GSE1: variants seen among roughly 807,000 people sequenced by gnomAD.
GSE1 encodes the protein genetic suppressor element 1.
Under a neutral mutation model 112.6 loss-of-function variants are expected in GSE1, and 32 were observed. That is an observed-to-expected ratio of 0.28 (90% confidence interval 0.21 to 0.38). The LOEUF is 0.38. Among genes scored for constraint, GSE1 ranks in the 10% least tolerant of loss-of-function variants. The pLI, the probability that GSE1 is intolerant of heterozygous loss-of-function variation, is 1.00. For missense variants in GSE1, 2,348 were observed against 1,699.2 expected (o/e 1.38, Z -6.71); for synonymous variants, 1,115 against 735.6 (o/e 1.52, Z -8.35).
At chr16:85,251,295 G>A (rs1027638014) in intron 1 of GSE1, among the ~76,000 whole-genome samples, 10 of 152,204 alleles carry the variant, frequency 6.6e-5, no homozygotes, top group African/African-American at 2.2e-4. Flanking sequence ...GACAAAGCCT[G>A]TCCCTATGGG....
chr16:85,313,411 G>T (rs1177513272), intron 1 of GSE1, among the ~76,000 whole-genome samples: 1 of 152,166 alleles, frequency 6.6e-6, no homozygotes, highest in Non-Finnish European at 1.5e-5. Context: ...GTCTCGGATT[G>T]GCTTGTCCCG....
chr16:85,401,197 G>A lies in GSE1; in HGVS notation c.2464+43554G>A, dbSNP rs542015626. ...CGGCAGGAGAGGGAGTGAGGCCAAC[G>A]TCATGCGTTATTCAGCGGCTCCTGA... is the stretch of plus-strand genomic sequence containing the variant. On this transcript the variant is annotated intron_variant, in intron 2 of 2. Coordinates refer to the GSE1 transcript ENST00000637419. Among the ~76,000 whole-genome samples the A allele has an allele frequency of 5.9e-5, 9 of 152,310 alleles. No individual in the cohort carries two copies. In the East Asian group the frequency reaches 1.5e-3, roughly 26 times the overall value.
chr16:85,480,463 A>T (rs1428201178), intron 2 of GSE1, among the ~76,000 whole-genome samples: 1 of 151,570 alleles, frequency 6.6e-6, no homozygotes, highest in East Asian at 1.9e-4. Flanking sequence ...CCTCCACTCC[A>T]CCCTGTTTCT....
rs1444365211 is a variant in GSE1, at chr16:85,531,095, G to A, written c.2465-102819G>A. Among the ~76,000 whole-genome samples the A allele has an allele frequency of 3.9e-5, 6 of 152,376 alleles. No individual in the cohort carries two copies. The East Asian group carries it at 1.2e-3, about 29-fold the overall frequency. ...TGCCTCTGGCTTCGTTCGGTTGCCC[G>A]GATTCAGACCTCAGTGCAGGAGCTT... On this transcript the variant is annotated intron_variant, in intron 2 of 2. Transcript: ENST00000637419.
intron 1 of GSE1, among the ~76,000 whole-genome samples, chr16:85,176,120 C>T (rs1176054818): frequency 1.3e-5 from 2 of 152,208 alleles, no homozygotes; most frequent in Non-Finnish European, 2.9e-5. Flanking sequence ...TTCTGAGTAG[C>T]TGGGACCATA....
At chr16:85,253,056 CCG>C (rs1906657983) in intron 1 of GSE1, among the ~76,000 whole-genome samples, 1 of 63,430 alleles carries the variant, frequency 1.6e-5, no homozygotes, top group Non-Finnish European at 3.4e-5. Context: ...ATAGGCGCCC[CCG>C]CCCCCCCCCC....
At chr16:85,417,013 C>G (rs988079033) in intron 2 of GSE1, among the ~76,000 whole-genome samples, 2 of 152,234 alleles carry the variant, frequency 1.3e-5, no homozygotes, top group East Asian at 3.8e-4. Flanking sequence ...AGCCACCATG[C>G]CCGGCTAATT....
chr16:85,257,894 A>T (rs9939822), intron 1 of GSE1, among the ~76,000 whole-genome samples: 48,738 of 152,170 alleles, frequency 0.32, 9,857 homozygotes, highest in African/African-American at 0.58. Flanking sequence ...TCATTCCTCC[A>T]TGTCTGTTTA....
At chr16:85,563,355 G>A (rs1278228582) in intron 1 of GSE1, among the ~76,000 whole-genome samples, 1 of 152,190 alleles carries the variant, frequency 6.6e-6, no homozygotes, top group African/African-American at 2.4e-5. Flanking sequence ...AAATCAGTGA[G>A]AATTTTCTTA....
At chr16:85,353,451 A>G (rs1188407589) in intron 1 of GSE1, among the ~76,000 whole-genome samples, 1 of 55,910 alleles carries the variant, frequency 1.8e-5, no homozygotes, top group African/African-American at 8.1e-5. Flanking sequence ...CAACTGCATC[A>G]TTTTACGTTC....
intron 1 of GSE1, among the ~76,000 whole-genome samples, chr16:85,314,998 G>C (rs1161186089): frequency 6.6e-6 from 1 of 152,208 alleles, no homozygotes; most frequent in African/African-American, 2.4e-5. Context: ...GTTAGTGTTT[G>C]CAATCAGGGC....
intron 2 of GSE1, among the ~76,000 whole-genome samples, chr16:85,457,756 A>G (rs1242109827): frequency 6.6e-6 from 1 of 152,218 alleles, no homozygotes; most frequent in Non-Finnish European, 1.5e-5. Context: ...GGCAGGCTGT[A>G]GGGGTGGAGG....
intron 10 of GSE1, 64 bp downstream of exon 10, chr16:85,663,157 C>T (rs919141917): frequency 9.4e-6 from 12 of 1,274,816 alleles, no homozygotes; most frequent in Non-Finnish European, 1.4e-5. Context: ...CGTCCACACC[C>T]TGCAGTCCAC....
chr16:85,500,503 C>T (rs1597970780), intron 2 of GSE1, among the ~76,000 whole-genome samples: 1 of 152,380 alleles, frequency 6.6e-6, no homozygotes, highest in East Asian at 1.9e-4. Context: ...CCCCCAGCCC[C>T]TGGGTCCCCG....
exon 1 of GSE1, chr16:85,170,187 G>C (rs979209404): frequency 3.0e-6 from 3 of 985,358 alleles, no homozygotes; most frequent in Non-Finnish European, 3.6e-6. Context: ...GACCCGCTCC[G>C]GGACAGGGCG....
At chr16:85,478,945 CTTTTTT>C (rs557331164) in intron 2 of GSE1, among the ~76,000 whole-genome samples, 1 of 84,686 alleles carries the variant, frequency 1.2e-5, no homozygotes, top group African/African-American at 5.0e-5. Context: ...TTCTTTCTTT[CTTTTTT>C]TTTCTTTCTT....
At chr16:85,537,152 G>T (rs752648983) in intron 2 of GSE1, among the ~76,000 whole-genome samples, 1 of 152,200 alleles carries the variant, frequency 6.6e-6, no homozygotes, top group East Asian at 1.9e-4. Flanking sequence ...TCTGAGCAGC[G>T]TTTGGTCGGA....
intron 2 of GSE1, among the ~76,000 whole-genome samples, chr16:85,486,630 G>T (rs929851151): frequency 6.6e-6 from 1 of 152,154 alleles, no homozygotes; most frequent in African/African-American, 2.4e-5. Context: ...GCCTGCCCTG[G>T]TCCCCAGCCT....
chr16:85,226,281 G>C (rs1179589825), intron 1 of GSE1, among the ~76,000 whole-genome samples: 1 of 151,968 alleles, frequency 6.6e-6, no homozygotes, highest in Non-Finnish European at 1.5e-5. Flanking sequence ...CTCTTTTTAG[G>C]GTTACATTTC....
Sources: allele counts gnomAD v4.1 joint callset (sites outside exome capture counted in the v4.1 genomes callset), GRCh38; gene constraint gnomAD v4.1.1; transcripts MANE v1.5; gene names NCBI Gene and HGNC (gene_info 2026-07-23, HGNC 2026-07-21).